The following ANO1 variants were observed in gnomAD, a reference collection of about 807,000 sequenced individuals.
The protein encoded by ANO1 is anoctamin 1.
In ANO1, 59 loss-of-function variants were observed where a neutral mutation model predicts 124.0. That is an observed-to-expected ratio of 0.48 (90% CI 0.39 to 0.59). ANO1 has a LOEUF of 0.59. Among genes scored for constraint, ANO1 ranks in the 20% least tolerant of loss-of-function variants. ANO1 has a pLI of 0.00. For synonymous variants in ANO1, 529 were observed against 532.0 expected (o/e 0.99, Z 0.08); for missense variants, 1,059 against 1,328.0 (o/e 0.80, Z 3.15).
At chr11:70,068,323 T>C (rs1857785012) in intron 1 of ANO1, among the ~76,000 whole-genome samples, 1 of 152,224 alleles carries the variant, frequency 6.6e-6, no homozygotes, top group Admixed American at 6.5e-5. Flanking sequence ...TGTCCTCCAC[T>C]AGGCGGGTGC....
chr11:69,968,195 G>A, the ANO1 span, among the ~76,000 whole-genome samples: 4 of 152,222 alleles, frequency 2.6e-5, no homozygotes, highest in Non-Finnish European at 5.9e-5. Context: ...TGGCTGGAAC[G>A]TCCTCTCCTG....
chr11:70,137,097 C>A (rs2046980967), intron 11 of ANO1, among the ~76,000 whole-genome samples: 1 of 147,580 alleles, frequency 6.8e-6, no homozygotes, highest in African/African-American at 2.4e-5. Flanking sequence ...CCCAGGCCTA[C>A]AACCCAGCTC....
intron 6 of ANO1, among the ~76,000 whole-genome samples, chr11:70,110,184 CTTTTTT>C (rs923690897): frequency 2.5e-5 from 3 of 118,088 alleles, no homozygotes; most frequent in East Asian, 2.6e-4. Context: ...TGTTCACTTT[CTTTTTT>C]TTTTTTTTTT....
chr11:70,032,438 G>T (rs1196507928), intron 1 of ANO1, among the ~76,000 whole-genome samples: 2 of 152,114 alleles, frequency 1.3e-5, no homozygotes, highest in African/African-American at 4.8e-5. Context: ...TGAAGAAGCT[G>T]GTGTGATTCT....
intron 11 of ANO1, among the ~76,000 whole-genome samples, 184 bp downstream of exon 11, chr11:70,132,263 C>T (rs946771351): frequency 6.6e-6 from 1 of 152,166 alleles, no homozygotes; most frequent in Admixed American, 6.5e-5. Context: ...CGCAGTGCAT[C>T]AGGAGAGACA....
chr11:70,123,787 C>T (rs1242507465), intron 8 of ANO1, among the ~76,000 whole-genome samples: 3 of 152,152 alleles, frequency 2.0e-5, no homozygotes, highest in African/African-American at 4.8e-5. Context: ...TATTTTTTTA[C>T]TAGCAGTCCT....
intron 1 of ANO1, among the ~76,000 whole-genome samples, chr11:70,025,576 T>C (rs1326973882): frequency 2.0e-5 from 3 of 151,042 alleles, no homozygotes; most frequent in African/African-American, 4.9e-5. Flanking sequence ...ATGATGATGA[T>C]GGAGGTAGTG....
chr11:70,050,240 T>G (rs1200853237), intron 1 of ANO1, among the ~76,000 whole-genome samples: 1 of 152,172 alleles, frequency 6.6e-6, no homozygotes, highest in Non-Finnish European at 1.5e-5. Flanking sequence ...ATGGCAGCTG[T>G]GGTAACAGAG....
At chr11:70,002,475 A>AAC (rs1856401504) in intron 1 of ANO1, among the ~76,000 whole-genome samples, 1 of 151,614 alleles carries the variant, frequency 6.6e-6, no homozygotes, top group Non-Finnish European at 1.5e-5. Flanking sequence ...AAAAAAAAAA[A>AAC]AACACCAAAA....
intron 1 of ANO1, among the ~76,000 whole-genome samples, chr11:70,026,019 GTGATGGTGATGA>G (rs781893571): frequency 2.1e-5 from 3 of 144,782 alleles, no homozygotes; most frequent in African/African-American, 2.7e-5. Context: ...GATGGTGGTG[GTGATGGTGATGA>G]TGATGGTGAT....
intron 2 of ANO1, among the ~76,000 whole-genome samples, chr11:70,091,195 C>A (rs1590702529): frequency 6.6e-6 from 1 of 152,296 alleles, no homozygotes; most frequent in East Asian, 1.9e-4. Context: ...GGGAATGAAC[C>A]TTTCCCGGAG....
At chr11:70,045,105 G>A (rs782054713) in intron 1 of ANO1, among the ~76,000 whole-genome samples, 1 of 152,134 alleles carries the variant, frequency 6.6e-6, no homozygotes, top group Non-Finnish European at 1.5e-5. Flanking sequence ...TAGAAGGCAA[G>A]TAAGAAATAT....
chr11:70,066,208 G>A (rs1354025028), intron 1 of ANO1, among the ~76,000 whole-genome samples: 2 of 152,212 alleles, frequency 1.3e-5, no homozygotes, highest in African/African-American at 4.8e-5. Context: ...GGAGCAGATG[G>A]CCAAGTCTGT....
intron 1 of ANO1, among the ~76,000 whole-genome samples, chr11:70,066,663 C>T (rs923124721): frequency 2.6e-5 from 4 of 152,284 alleles, no homozygotes; most frequent in African/African-American, 9.6e-5. Context: ...TGACTTTGGC[C>T]TCCCTGAATG....
intron 11 of ANO1, among the ~76,000 whole-genome samples, chr11:70,148,236 G>A (rs1196285423): frequency 1.3e-5 from 2 of 152,192 alleles, no homozygotes; most frequent in South Asian, 2.1e-4. Context: ...GCTGCTTCTC[G>A]GAGAAGCCAT....
chr11:70,003,235 A>G (rs782640271), intron 1 of ANO1, among the ~76,000 whole-genome samples: 17 of 152,214 alleles, frequency 1.1e-4, no homozygotes, highest in Non-Finnish European at 1.9e-4. Context: ...ATGGCTAACT[A>G]TTTAGAAAAG....
rs376609707 is a variant in ANO1, at chr11:70,182,615, C to T, written c.2517C>T (p.Asn839=). 3.3e-5 allele frequency: 53 copies of T among 1,613,680 alleles called. 1 individual carries two copies. The highest frequency in any genetic ancestry group is 3.3e-4 in the Middle Eastern group (2 of 6,054). ...GFVNHTLSSF[N]VSDFQNGTAP... ...TCAACCACACCCTCTCCTCCTTCAACGTCAGTGACTTCCAGAACGGCACGG... is the reference window on the plus strand; with the variant it reads ...TCAACCACACCCTCTCCTCCTTCAATGTCAGTGACTTCCAGAACGGCACGG... Residue 839 remains asparagine, a synonymous_variant, in exon 24 of 26, where the codon AAC becomes AAT. Transcript: ENST00000355303.
chr11:70,155,755 G>A (rs1386067173), intron 14 of ANO1, among the ~76,000 whole-genome samples, 156 bp from the exon 15 acceptor site: 1 of 152,120 alleles, frequency 6.6e-6, no homozygotes, highest in Non-Finnish European at 1.5e-5. Context: ...TGTTTAAAAC[G>A]CCCAGAACCC....
chr11:70,104,363 T>G (rs1312818010), intron 4 of ANO1, among the ~76,000 whole-genome samples: 1 of 152,140 alleles, frequency 6.6e-6, no homozygotes, highest in Non-Finnish European at 1.5e-5. Context: ...CTTGTTCTGC[T>G]TGGTGACGCA....
Sources: gnomAD v4.1 joint callset for allele counts (sites outside exome capture counted in the v4.1 genomes callset) on GRCh38, gnomAD v4.1.1 for gene constraint, MANE v1.5 for transcripts, NCBI Gene and HGNC (gene_info 2026-07-23, HGNC 2026-07-21) for gene names.